Variants in UBE2D3 observed in about 807,000 individuals in gnomAD.
UBE2D3 encodes ubiquitin-conjugating enzyme E2 D3.
In UBE2D3, 2 loss-of-function variants were observed where a neutral mutation model predicts 22.8. That is an observed-to-expected ratio of 0.09 (90% CI 0.04 to 0.28). UBE2D3 has a LOEUF of 0.28. Among genes scored for constraint, UBE2D3 ranks in the 10% least tolerant of loss-of-function variants. UBE2D3 has a pLI of 1.00. For synonymous variants in UBE2D3, 56 were observed against 60.4 expected, an observed-to-expected ratio of 0.93 and a Z score of 0.34; for missense variants, 27 against 182.5, an observed-to-expected ratio of 0.15 and a Z score of 4.91.
chr4:102,835,777 C>CAT (rs35910265), intron 1 of UBE2D3, among the ~76,000 whole-genome samples: 76,296 of 151,680 alleles, frequency 0.5, 19,232 homozygotes, highest in Admixed American at 0.54. Flanking sequence ...GATAAGCTAA[C>CAT]ATATATATAT....
chr4:102,851,614 C>T (rs1024225888), intron 1 of UBE2D3, among the ~76,000 whole-genome samples: 1 of 151,898 alleles, frequency 6.6e-6, no homozygotes, highest in Admixed American at 6.6e-5. Context: ...AATGTCCTTT[C>T]TCCTCTTCTT....
intron 1 of UBE2D3, among the ~76,000 whole-genome samples, chr4:102,833,521 A>G (rs1731225378): frequency 6.6e-6 from 1 of 152,236 alleles, no homozygotes; most frequent in South Asian, 2.1e-4. Flanking sequence ...GATTACTAAA[A>G]TCACAAAATG....
chr4:102,827,653 G>T (rs116693794), upstream of UBE2D3: 428 of 986,278 alleles, frequency 4.3e-4, 1 homozygote, highest in African/African-American at 7.0e-3. Flanking sequence ...CCGATGTGAG[G>T]CCGAAGCCAG....
chr4:102,851,951 T>A (rs1471412318), intron 1 of UBE2D3, among the ~76,000 whole-genome samples: 1 of 152,142 alleles, frequency 6.6e-6, no homozygotes, highest in African/African-American at 2.4e-5. Flanking sequence ...ATTACAGGCG[T>A]GAGCCACCGT....
chr4:102,834,640 T>C (rs1731293606), intron 1 of UBE2D3, among the ~76,000 whole-genome samples: 1 of 151,588 alleles, frequency 6.6e-6, no homozygotes, highest in Admixed American at 6.6e-5. Flanking sequence ...TCCCACATAC[T>C]AGGGAGGCTG....
chr4:102,816,849 G>A (rs1270728296), intron 2 of UBE2D3, among the ~76,000 whole-genome samples: 1 of 152,056 alleles, frequency 6.6e-6, no homozygotes, highest in Non-Finnish European at 1.5e-5. Flanking sequence ...TGCATGTTAG[G>A]TATAAAAACA....
At chr4:102,799,349 G>C in intron 7 of UBE2D3, 58 bp downstream of exon 7, 2 of 1,369,340 alleles carry the variant, frequency 1.5e-6, no homozygotes, top group Non-Finnish European at 1.0e-6. Flanking sequence ...CACAAGCAAA[G>C]TATAAGCCTA....
At chr4:102,803,021 T>C (rs2110259389) in intron 4 of UBE2D3, among the ~76,000 whole-genome samples, 1 of 152,344 alleles carries the variant, frequency 6.6e-6, no homozygotes, top group South Asian at 2.1e-4. Flanking sequence ...TGTGTACAAA[T>C]GGCTTCACAA....
chr4:102,847,042 CAGAA>C (rs1249947243), intron 1 of UBE2D3, among the ~76,000 whole-genome samples: 1 of 152,112 alleles, frequency 6.6e-6, no homozygotes, highest in African/African-American at 2.4e-5. Context: ...CTGGTTTCCT[CAGAA>C]AGAGATTTAG....
chr4:102,798,022 TG>T (rs759517012), intron 7 of UBE2D3, among the ~76,000 whole-genome samples: 24 of 151,656 alleles, frequency 1.6e-4, no homozygotes, highest in Non-Finnish European at 3.4e-4. Flanking sequence ...GGGGTGTGTG[TG>T]TGAGTGGTTG....
intron 5 of UBE2D3, 128 bp downstream of exon 5, chr4:102,802,432 AG>A: frequency 1.6e-6 from 1 of 624,424 alleles, no homozygotes; most frequent in Non-Finnish European, 2.6e-6. Context: ...GTTAAGAGTC[AG>A]CATCTATACA....
intron 1 of UBE2D3, among the ~76,000 whole-genome samples, chr4:102,848,472 C>CT (rs1333423496): frequency 6.6e-6 from 1 of 152,124 alleles, no homozygotes; most frequent in African/African-American, 2.4e-5. Context: ...TGGTGAAACT[C>CT]TATCTCTACT....
chr4:102,838,806 G>GC (rs1283572350), intron 1 of UBE2D3, among the ~76,000 whole-genome samples: 1 of 61,156 alleles, frequency 1.6e-5, no homozygotes, highest in East Asian at 4.2e-4. Context: ...ACTGTGCTGG[G>GC]CAAAAAAAAA....
At chr4:102,838,807 C>CAAAAAAAAAAA (rs145975514) in intron 1 of UBE2D3, among the ~76,000 whole-genome samples, 1 of 54,312 alleles carries the variant, frequency 1.8e-5, no homozygotes, top group African/African-American at 7.3e-5. Flanking sequence ...CTGTGCTGGG[C>CAAAAAAAAAAA]AAAAAAAAAA....
intron 1 of UBE2D3, among the ~76,000 whole-genome samples, chr4:102,851,643 C>T (rs374087107): frequency 1.1e-4 from 16 of 150,284 alleles, no homozygotes; most frequent in African/African-American, 3.7e-4. Context: ...ATTAGAACCC[C>T]CATTTTTTTT....
At chr4:102,801,171 T>G (rs1012568116) in intron 6 of UBE2D3, among the ~76,000 whole-genome samples, 7 of 151,984 alleles carry the variant, frequency 4.6e-5, no homozygotes, top group African/African-American at 1.7e-4. Flanking sequence ...GGTTTGGGAT[T>G]GAAAAATACA....
chr4:102,835,607 A>C lies in UBE2D3; in HGVS notation c.-128-8971T>G, dbSNP rs555864475. Among the ~76,000 whole-genome samples, 15 of 152,346 alleles carry C rather than the reference A, an allele frequency of 9.8e-5. 1 individual carries two copies. The South Asian group carries it at 1.2e-3, about 13-fold the overall frequency. On this transcript the variant is annotated intron_variant, in intron 1 of 7. Transcript: ENST00000338145. ...TTTGGCTGCCCAAAGAAACTATTTC[A>C]GTTTAACCCTGAAAGAAAGGAACTA...
chr4:102,816,914 G>A (rs2110303123), intron 2 of UBE2D3, among the ~76,000 whole-genome samples: 1 of 152,256 alleles, frequency 6.6e-6, no homozygotes, highest in South Asian at 2.1e-4. Flanking sequence ...GAAAGCAGGT[G>A]CAAGACAAAA....
chr4:102,835,113 C>G (rs1312407335), intron 1 of UBE2D3, among the ~76,000 whole-genome samples: 1 of 152,094 alleles, frequency 6.6e-6, no homozygotes, highest in Non-Finnish European at 1.5e-5. Flanking sequence ...AATGAAGAAG[C>G]CTCATTATGA....
Sources: allele counts gnomAD v4.1 joint callset (sites outside exome capture counted in the v4.1 genomes callset), GRCh38; gene constraint gnomAD v4.1.1; transcripts MANE v1.5; gene names NCBI Gene and HGNC (gene_info 2026-07-23, HGNC 2026-07-21).